The following PLCH1 variants were observed in gnomAD, a reference collection of about 807,000 sequenced individuals.
PLCH1 encodes phospholipase C eta 1.
PLCH1 carries 60 observed loss-of-function variants against 126.7 expected under a neutral mutation model. The observed-to-expected ratio is 0.47, with a 90% CI of 0.38 to 0.59. PLCH1 has a LOEUF of 0.59. Among genes scored for constraint, PLCH1 ranks in the 20% least tolerant of loss-of-function variants. PLCH1 has a pLI of 0.00. For synonymous variants in PLCH1, 719 were observed against 734.9 expected (o/e 0.98, Z 0.35); for missense variants, 1,723 against 2,040.0 (o/e 0.84, Z 2.99).
At chr3:155,661,485 C>T (rs1326661777) in intron 2 of PLCH1, among the ~76,000 whole-genome samples, 1 of 152,170 alleles carries the variant, frequency 6.6e-6, no homozygotes, top group Non-Finnish European at 1.5e-5. Context: ...CATCCCATCC[C>T]CCCATACCTG....
intron 1 of PLCH1, among the ~76,000 whole-genome samples, chr3:155,734,415 G>T (rs73017121): frequency 1.6e-4 from 24 of 152,172 alleles, no homozygotes; most frequent in African/African-American, 5.5e-4. Context: ...AGCCATGATC[G>T]CACCATTGTA....
chr3:155,718,187 A>T (rs1747675581), intron 1 of PLCH1, among the ~76,000 whole-genome samples: 1 of 151,858 alleles, frequency 6.6e-6, no homozygotes, highest in East Asian at 1.9e-4. Flanking sequence ...TCCAGCTCCC[A>T]GTAAGTTCCT....
chr3:155,684,460 G>C (rs1257311671), intron 2 of PLCH1, among the ~76,000 whole-genome samples: 2 of 152,152 alleles, frequency 1.3e-5, no homozygotes, highest in African/African-American at 4.8e-5. Flanking sequence ...TGTACAACCA[G>C]AGACTCTCCT....
rs746013706 is a variant in PLCH1 at position 155,514,871 on chromosome 3, G to T, written c.1484C>A (p.Thr495Asn). The stretch of plus-strand genomic sequence containing the variant: ...TATGAAAGATTCCACCTGATGCTCA[G>T]TGGTCCCATTACTCTGCAAAGAATT... ...KFKLHYSNGT[T>N]EHQVESFIRK... Residue 495 changes from threonine to asparagine, a missense_variant, in exon 12 of 23, where the codon ACT becomes AAT. By Grantham distance (65) the Thr-to-Asn change is moderately conservative. Around this residue, in one of 2 missense-constraint regions of PLCH1, gnomAD observed 776 missense variants for 1,062.9 expected, o/e 0.73. Coordinates refer to ENST00000460012, the MANE Select transcript of PLCH1 (RefSeq NM_014996.4). The T allele has an allele frequency of 3.1e-6, 5 of 1,605,708 alleles. No homozygotes were observed. Among genetic ancestry groups the T allele is most frequent in the Non-Finnish European group, 4.3e-6 (5 of 1,175,118 alleles).
chr3:155,683,539 C>G (rs571094173), intron 2 of PLCH1, among the ~76,000 whole-genome samples: 1 of 152,114 alleles, frequency 6.6e-6, no homozygotes, highest in African/African-American at 2.4e-5. Flanking sequence ...TTGGTAATGA[C>G]TCAGAAAATG....
chr3:155,595,263 C>T (rs1241497840), intron 3 of PLCH1, among the ~76,000 whole-genome samples: 1 of 152,182 alleles, frequency 6.6e-6, no homozygotes, highest in African/African-American at 2.4e-5. Flanking sequence ...CACTGAAGCA[C>T]AGGGCAAGAA....
Position 155,630,941 on chromosome 3 carries a change from T to C in PLCH1, c.80-34563A>G, listed in dbSNP as rs550013511. ...AAAGACAGACACTAAACTTCTTTCATATGATTGAAGAAATTTTTGGAATTT... is the reference window on the plus strand; with the variant it reads ...AAAGACAGACACTAAACTTCTTTCACATGATTGAAGAAATTTTTGGAATTT... On this transcript the variant is annotated intron_variant, in intron 2 of 22. Transcript: ENST00000460012. Among the ~76,000 whole-genome samples, 9 of 152,348 alleles carry C rather than the reference T, an allele frequency of 5.9e-5. 1 individual carries two copies. The East Asian group carries it at 1.5e-3, about 26-fold the overall frequency.
chr3:155,704,156 ACT>A lies in PLCH1; in HGVS notation c.67_68del (p.Ser23CysfsTer5), dbSNP rs1746483653. The A allele has an allele frequency of 8.2e-7, 1 of 1,217,676 alleles. No homozygotes were observed. Among genetic ancestry groups the A allele is most frequent in the African/African-American group, 1.6e-5 (1 of 64,158 alleles). 75.4% of individuals were successfully genotyped at this position (1,217,676 alleles called of 1,614,324 possible). On this transcript the variant is annotated frameshift_variant, in exon 2 of 23. Transcript: ENST00000460012. LOFTEE classifies it high-confidence loss of function. ...QYRRHFLVDN[S>X]VFHVERCMSV... ...CAAGAGACAGCTTACCATGAAACAC[ACT>A]GTTGTCCACCAGAAAATGCCTGCGG... is the stretch of plus-strand genomic sequence containing the variant.
At chr3:155,654,032 C>G (rs1192023005) in intron 2 of PLCH1, among the ~76,000 whole-genome samples, 2 of 150,454 alleles carry the variant, frequency 1.3e-5, no homozygotes, top group African/African-American at 2.5e-5. Context: ...CTCCACCTCT[C>G]CACTGAAACC....
intron 2 of PLCH1, among the ~76,000 whole-genome samples, chr3:155,633,291 T>C (rs1033654878): frequency 1.2e-4 from 18 of 151,704 alleles, no homozygotes; most frequent in Non-Finnish European, 2.4e-4. Flanking sequence ...ATTTTGATTA[T>C]TGTATATCTG....
At chr3:155,629,226 C>T (rs905089390) in intron 2 of PLCH1, among the ~76,000 whole-genome samples, 1 of 152,174 alleles carries the variant, frequency 6.6e-6, no homozygotes, top group Non-Finnish European at 1.5e-5. Flanking sequence ...TGCAGCGGCT[C>T]AAAGTAGTGG....
chr3:155,463,526 C>A (rs1197378617), intron 21 of PLCH1, among the ~76,000 whole-genome samples: 1 of 152,072 alleles, frequency 6.6e-6, no homozygotes, highest in African/African-American at 2.4e-5. Flanking sequence ...CCTTGCTCAG[C>A]TACTTCTTAT....
rs559392541 is a variant in PLCH1 at position 155,543,831 on chromosome 3, C to A, written c.1362+5956G>T. Among the ~76,000 whole-genome samples the A allele has an allele frequency of 9.3e-4, 140 of 150,910 alleles. 1 individual carries two copies. Among genetic ancestry groups the A allele is most frequent in the African/African-American group, 3.3e-3 (133 of 40,888 alleles). The stretch of plus-strand genomic sequence containing the variant: ...AGAAATAAAATACTTTACAGACAAG[C>A]AAATGCTGAGAGATTTTGTCACCAC... On this transcript the variant is annotated intron_variant, in intron 10 of 22. Transcript: ENST00000460012.
Position 155,488,101 on chromosome 3 carries a change from C to T in PLCH1, c.2546G>A (p.Arg849Gln), listed in dbSNP as rs761845637. ...VTFSSLVPGY[R>Q]HVYLEGLTEA... is the part of the protein sequence containing the mutation. Reference sequence around the variant, plus strand: ...TGTCAGTCCTTCCAAATAGACATGCCGGTAGCCTGATAAAAGGAAAGAGAG... The same window carrying T: ...TGTCAGTCCTTCCAAATAGACATGCTGGTAGCCTGATAAAAGGAAAGAGAG... The change falls in exon 21 of 23, where the codon CGG (arginine) becomes CAG (glutamine). Residue 849 changes from arginine to glutamine, a missense_variant. By Grantham distance (43) the Arg-to-Gln change is conservative. Coordinates refer to ENST00000460012, the MANE Select transcript of PLCH1 (RefSeq NM_014996.4). 2.5e-6 allele frequency: 4 copies of T among 1,602,366 alleles called. No individual in the cohort carries two copies. The highest frequency in any genetic ancestry group is 1.7e-5 in the Admixed American group (1 of 59,986).
chr3:155,670,692 T>C (rs1239245518), intron 2 of PLCH1, among the ~76,000 whole-genome samples: 2 of 152,140 alleles, frequency 1.3e-5, no homozygotes, highest in Non-Finnish European at 2.9e-5. Flanking sequence ...CTATCTTTCA[T>C]AGCATTTCTA....
chr3:155,615,151 G>T lies in PLCH1; in HGVS notation c.80-18773C>A, dbSNP rs1735628628. 2.6e-5 allele frequency among the ~76,000 whole-genome samples: 4 copies of T among 152,164 alleles called. No individual in the cohort carries two copies. The South Asian group carries it at 8.3e-4, about 32-fold the overall frequency. On this transcript the variant is annotated intron_variant, in intron 2 of 22. Coordinates refer to ENST00000460012, the MANE Select transcript of PLCH1 (RefSeq NM_014996.4). ...CATGAAAAGGCAATCCTCAAAAGAA[G>T]ATATACAAATGGACAACAAACATAT...
At chr3:155,554,614 A>G (rs1412152212) in intron 8 of PLCH1, among the ~76,000 whole-genome samples, 2 of 152,164 alleles carry the variant, frequency 1.3e-5, no homozygotes, top group African/African-American at 2.4e-5. Context: ...TCCCAAATCA[A>G]TAATATAGTT....
intron 1 of PLCH1, among the ~76,000 whole-genome samples, chr3:155,732,519 G>GAA (rs765151340): frequency 1.5e-5 from 2 of 132,054 alleles, no homozygotes; most frequent in African/African-American, 2.8e-5. Flanking sequence ...ACCCAGTCTG[G>GAA]AAAAAAAAAA....
At position 155,707,531 on chromosome 3, in the gene PLCH1, AT is replaced by A. The variant is rs200851621; in HGVS notation, c.-40-3268del. ...AGGCAAAACTCCGTCTCTACTAAAA[AT>A]AGAAAAATTAGCCAGGCGTGGGGGT... On this transcript the variant is annotated intron_variant, in intron 1 of 22. Coordinates refer to ENST00000460012, the MANE Select transcript of PLCH1 (RefSeq NM_014996.4). 8.0e-3 allele frequency among the ~76,000 whole-genome samples: 1,215 copies of A among 152,220 alleles called. 19 individuals are homozygous for A. The highest frequency in any genetic ancestry group is 0.027 in the African/African-American group (1,140 of 41,526).
Sources: allele counts gnomAD v4.1 joint callset (sites outside exome capture counted in the v4.1 genomes callset), GRCh38; gene constraint gnomAD v4.1.1; regional missense constraint gnomAD v4.1.1; transcripts MANE v1.5; gene names NCBI Gene and HGNC (gene_info 2026-07-23, HGNC 2026-07-21).